Variants in LARGE1 observed in about 807,000 individuals in gnomAD.
The protein encoded by LARGE1 is xylosyl- and glucuronyltransferase LARGE1.
Under a neutral mutation model 87.6 loss-of-function variants are expected in LARGE1, and 43 were observed. The ratio of observed to expected loss-of-function variants is 0.49; its 90% CI spans 0.38 to 0.63. The LOEUF is 0.63. Ranked by LOEUF, LARGE1 falls within the 30% of genes least tolerant of loss-of-function variation. The pLI is 0.00. For missense variants in LARGE1, 802 were observed against 1,000.2 expected, an observed-to-expected ratio of 0.80 and a Z score of 2.67; for synonymous variants, 434 against 394.6, an observed-to-expected ratio of 1.10 and a Z score of -1.18.
chr22:33,207,771 G>T (rs929478495), intron 11 of LARGE1, among the ~76,000 whole-genome samples: 19 of 152,114 alleles, frequency 1.2e-4, no homozygotes, highest in African/African-American at 4.6e-4. Flanking sequence ...AGGGCAAAGG[G>T]GATGCCAGGC....
downstream of LARGE1, among the ~76,000 whole-genome samples, chr22:33,267,582 G>A (rs928231302): frequency 4.0e-5 from 6 of 151,138 alleles, no homozygotes; most frequent in African/African-American, 1.2e-4. Context: ...CCTGGGATTC[G>A]GGGGTCTGAG....
chr22:33,561,300 G>T (rs986710938), intron 6 of LARGE1, among the ~76,000 whole-genome samples: 4 of 152,200 alleles, frequency 2.6e-5, no homozygotes, highest in Non-Finnish European at 4.4e-5. Flanking sequence ...CCCCAGGCTG[G>T]TTTTCTCTGG....
intron 10 of LARGE1, among the ~76,000 whole-genome samples, chr22:33,318,170 G>C (rs755527433): frequency 6.6e-6 from 1 of 150,914 alleles, no homozygotes; most frequent in Non-Finnish European, 1.5e-5. Flanking sequence ...AGGGGGCAGA[G>C]GTTGCAGTGA....
intron 11 of LARGE1, among the ~76,000 whole-genome samples, chr22:33,172,979 C>A (rs952894211): frequency 2.0e-5 from 3 of 152,042 alleles, no homozygotes; most frequent in African/African-American, 7.2e-5. Context: ...GCAATACAGG[C>A]CAACATTCAA....
intron 9 of LARGE1, among the ~76,000 whole-genome samples, chr22:33,375,219 T>C (rs2064952115): frequency 6.6e-6 from 1 of 152,246 alleles, no homozygotes; most frequent in South Asian, 2.1e-4. Context: ...TTCCCTAAGC[T>C]GTCTATAGTG....
intron 6 of LARGE1, among the ~76,000 whole-genome samples, chr22:33,538,401 T>G (rs2077097988): frequency 6.6e-6 from 1 of 152,266 alleles, no homozygotes; most frequent in Non-Finnish European, 1.5e-5. Flanking sequence ...TAGTGTCTTC[T>G]GTGTCCAACA....
the LARGE1 span, among the ~76,000 whole-genome samples, chr22:33,088,325 C>T: frequency 1.3e-5 from 2 of 152,158 alleles, no homozygotes; most frequent in African/African-American, 4.8e-5. Flanking sequence ...GGGTTGTAGT[C>T]CCCACACCAC....
At chr22:33,099,613 C>T in the LARGE1 span, among the ~76,000 whole-genome samples, 1 of 152,170 alleles carries the variant, frequency 6.6e-6, no homozygotes, top group Non-Finnish European at 1.5e-5. Flanking sequence ...TTTCTTTCCT[C>T]TTACTTATGG....
chr22:33,900,843 T>C (rs752952663), intron 1 of LARGE1, among the ~76,000 whole-genome samples: 1 of 152,078 alleles, frequency 6.6e-6, no homozygotes, highest in Non-Finnish European at 1.5e-5. Context: ...GGTGAGGAGT[T>C]CAAGACTAGC....
rs377349813 is a variant in LARGE1, at chr22:33,395,210, C to T, written c.893-10906G>A. Among the ~76,000 whole-genome samples, 42 of 130,712 alleles carry T rather than the reference C, an allele frequency of 3.2e-4. No homozygotes were observed. The East Asian group carries it at 8.0e-3, about 25-fold the overall frequency. The allele number at this position is 130,712 out of a possible 152,430, so 85.8% of individuals were successfully genotyped here. ...CGCCGCTGCACTCCAGCCTGGGTGA[C>T]GCAGCGACTCTGCCTCAAAAAAAAA... On this transcript the variant is annotated intron_variant, in intron 7 of 14. Coordinates refer to ENST00000397394, the MANE Select transcript of LARGE1 (RefSeq NM_133642.5).
chr22:33,299,608 A>G (rs1165309095), intron 12 of LARGE1, among the ~76,000 whole-genome samples: 1 of 152,192 alleles, frequency 6.6e-6, no homozygotes, highest in Non-Finnish European at 1.5e-5. Flanking sequence ...CAGAAGTCCA[A>G]TACTGAATAG....
chr22:33,612,839 G>A (rs1283963912), intron 4 of LARGE1, among the ~76,000 whole-genome samples: 1 of 152,188 alleles, frequency 6.6e-6, no homozygotes, highest in East Asian at 1.9e-4. Context: ...CCTGGTTACA[G>A]AGCAGAAGGT....
chr22:33,562,696 A>G (rs536075700), intron 6 of LARGE1, among the ~76,000 whole-genome samples: 32 of 152,276 alleles, frequency 2.1e-4, no homozygotes, highest in Non-Finnish European at 3.4e-4. Flanking sequence ...ATTTAAAATA[A>G]CCATGACAAT....
chr22:33,168,260 A>G (rs1180276606), intron 11 of LARGE1, among the ~76,000 whole-genome samples: 3 of 152,210 alleles, frequency 2.0e-5, no homozygotes, highest in Non-Finnish European at 2.9e-5. Flanking sequence ...TCTGGATCTC[A>G]GCGTGGATAG....
chr22:33,902,024 G>C (rs1361052416), intron 1 of LARGE1, among the ~76,000 whole-genome samples: 2 of 152,204 alleles, frequency 1.3e-5, no homozygotes, highest in Admixed American at 6.5e-5. Context: ...ATTAGTGCAA[G>C]AGCGAGAACA....
intron 1 of LARGE1, among the ~76,000 whole-genome samples, chr22:33,883,516 C>T (rs2064757433): frequency 6.6e-6 from 1 of 152,240 alleles, no homozygotes; most frequent in Non-Finnish European, 1.5e-5. Context: ...GCCTCGTGAT[C>T]CTGATAAACA....
intron 6 of LARGE1, among the ~76,000 whole-genome samples, chr22:33,449,981 G>C (rs2067845203): frequency 6.6e-6 from 1 of 151,482 alleles, no homozygotes; most frequent in Non-Finnish European, 1.5e-5. Flanking sequence ...GTGTGATCTT[G>C]GCTCACTGCA....
At chr22:33,250,746 T>C (rs758081531) in intron 11 of LARGE1, among the ~76,000 whole-genome samples, 1 of 152,238 alleles carries the variant, frequency 6.6e-6, no homozygotes, top group Non-Finnish European at 1.5e-5. Context: ...CTGTTATTCA[T>C]CTACTTATAT....
intron 6 of LARGE1, among the ~76,000 whole-genome samples, chr22:33,437,720 T>C (rs564257479): frequency 5.3e-5 from 8 of 152,112 alleles, no homozygotes; most frequent in East Asian, 1.9e-4. Context: ...TTAGTATCGA[T>C]TGAGGGTTTG....
Sources: allele counts gnomAD v4.1 joint callset (sites outside exome capture counted in the v4.1 genomes callset), GRCh38; gene constraint gnomAD v4.1.1; transcripts MANE v1.5; gene names NCBI Gene and HGNC (gene_info 2026-07-23, HGNC 2026-07-21).